PHACTR4: variants seen among roughly 807,000 people sequenced by gnomAD.
PHACTR4 encodes phosphatase and actin regulator 4, also known as protein phosphatase 1, regulatory subunit 124.
In PHACTR4, 51 loss-of-function variants were observed where a neutral mutation model predicts 72.7. That is an observed-to-expected ratio of 0.70 (90% CI 0.56 to 0.89). The LOEUF (loss-of-function observed/expected upper bound fraction) is 0.89. PHACTR4 is among the 40% of genes least tolerant of loss of function. PHACTR4 has a pLI of 0.00. For missense variants in PHACTR4, 731 were observed against 861.8 expected (o/e 0.85, Z 1.90); for synonymous variants, 255 against 302.5 (o/e 0.84, Z 1.63).
At chr1:28,401,109 G>C (rs1432963287) in intron 1 of PHACTR4, among the ~76,000 whole-genome samples, 1 of 152,044 alleles carries the variant, frequency 6.6e-6, no homozygotes, top group Admixed American at 6.6e-5. Context: ...TTTCAAAATT[G>C]GCCCCTGGAA....
Position 28,466,765 on chromosome 1 carries a change from A to G in PHACTR4, c.820A>G (p.Ile274Val). 1 of 1,608,500 alleles carries G rather than the reference A, an allele frequency of 6.2e-7. No homozygotes were observed. The highest frequency in any genetic ancestry group is 8.5e-7 in the Non-Finnish European group (1 of 1,176,342). The change falls in exon 6 of 14, where the codon ATT (isoleucine) becomes GTT (valine). Residue 274 changes from isoleucine to valine, a missense_variant. This residue lies in a region of PHACTR4 where 621 missense variants were observed against 676.6 expected (regional missense o/e 0.92). Transcript: ENST00000373839. ...KPAHRNSNPV[I>V]AELSQAINSG... ...AGCTCACAGAAATAGCAACCCTGTC[A>G]TTGGTAAGTAAGTCTTTAGGCTTCC...
intron 2 of PHACTR4, among the ~76,000 whole-genome samples, chr1:28,446,997 T>C (rs1201433077): frequency 6.6e-6 from 1 of 151,498 alleles, no homozygotes. Flanking sequence ...GTCTCAGGTA[T>C]TTCTTTTTAT....
chr1:28,493,937 A>T (rs976282671), intron 13 of PHACTR4, among the ~76,000 whole-genome samples: 46 of 152,214 alleles, frequency 3.0e-4, no homozygotes, highest in Non-Finnish European at 7.3e-5. Context: ...AAAGCCAACA[A>T]GCCAACAAAT....
chr1:28,454,865 A>G (rs1217610589), intron 2 of PHACTR4, among the ~76,000 whole-genome samples: 1 of 152,172 alleles, frequency 6.6e-6, no homozygotes, highest in Non-Finnish European at 1.5e-5. Context: ...CACTCCAATT[A>G]TCCTACCACG....
intron 9 of PHACTR4, among the ~76,000 whole-genome samples, chr1:28,486,093 ACCCCT>A (rs1570104284): frequency 6.6e-6 from 1 of 152,042 alleles, no homozygotes; most frequent in East Asian, 1.9e-4. Context: ...GTGGTGGCTC[ACCCCT>A]GTAATCCCAG....
chr1:28,446,446 T>C (rs1271860929), intron 2 of PHACTR4, among the ~76,000 whole-genome samples: 4 of 152,314 alleles, frequency 2.6e-5, no homozygotes, highest in African/African-American at 7.2e-5. Context: ...CACTTAGTAC[T>C]GTCCTCAAGA....
chr1:28,381,102 G>C (rs112851796), intron 1 of PHACTR4, among the ~76,000 whole-genome samples: 3 of 150,514 alleles, frequency 2.0e-5, no homozygotes, highest in Admixed American at 1.3e-4. Flanking sequence ...TCTGCCTCCC[G>C]GGTTCAAGCA....
intron 13 of PHACTR4, among the ~76,000 whole-genome samples, chr1:28,495,613 A>ATTT (rs1328657600): frequency 6.8e-6 from 1 of 146,468 alleles, no homozygotes; most frequent in African/African-American, 2.5e-5. Flanking sequence ...TTATTTATTT[A>ATTT]TTTTTTTTTT....
In PHACTR4 at chr1:28,380,789, G is replaced by A. The variant is rs1272641837; in HGVS notation, c.-39+10964G>A. ...TTCCGTGTCTTTGCTGTTGTGAATA[G>A]TGCTGCAGTGAACATATGTGTGCAT... On this transcript the variant is annotated intron_variant, in intron 1 of 13. Transcript: ENST00000373839. Among the ~76,000 whole-genome samples, 5 of 152,118 alleles carry A rather than the reference G, an allele frequency of 3.3e-5. No homozygotes were observed. In the East Asian group the frequency reaches 9.7e-4, roughly 29 times the overall value.
At chr1:28,456,476 T>C (rs1314204433) in intron 2 of PHACTR4, among the ~76,000 whole-genome samples, 3 of 152,110 alleles carry the variant, frequency 2.0e-5, no homozygotes, top group Non-Finnish European at 2.9e-5. Flanking sequence ...GGGACACATA[T>C]CTAAACTATA....
chr1:28,455,811 T>C (rs1658347647), intron 2 of PHACTR4, among the ~76,000 whole-genome samples: 1 of 152,056 alleles, frequency 6.6e-6, no homozygotes, highest in Non-Finnish European at 1.5e-5. Flanking sequence ...AGGGAGAATA[T>C]GAGGATATGA....
chr1:28,426,537 G>A (rs1268349965), intron 2 of PHACTR4, among the ~76,000 whole-genome samples: 4 of 151,970 alleles, frequency 2.6e-5, no homozygotes, highest in Non-Finnish European at 4.4e-5. Context: ...GGTGGTGGGC[G>A]CCTGTAGTCC....
chr1:28,389,817 C>G (rs948576531), intron 1 of PHACTR4, among the ~76,000 whole-genome samples: 4 of 151,956 alleles, frequency 2.6e-5, no homozygotes, highest in Non-Finnish European at 5.9e-5. Flanking sequence ...GGAGATTCCT[C>G]AAAAAATTGA....
intron 2 of PHACTR4, among the ~76,000 whole-genome samples, chr1:28,419,872 C>G (rs1655397848): frequency 6.6e-6 from 1 of 152,180 alleles, no homozygotes; most frequent in South Asian, 2.1e-4. Context: ...CTTTGACCAC[C>G]TTTGTCTAGT....
intron 2 of PHACTR4, among the ~76,000 whole-genome samples, chr1:28,430,729 T>C (rs2124375594): frequency 6.6e-6 from 1 of 152,272 alleles, no homozygotes; most frequent in African/African-American, 2.4e-5. Flanking sequence ...TCTCAAGCCA[T>C]AAGAAAGAAG....
At chr1:28,475,513 G>A (rs1467318260) in intron 7 of PHACTR4, among the ~76,000 whole-genome samples, 1 of 152,062 alleles carries the variant, frequency 6.6e-6, no homozygotes, top group Non-Finnish European at 1.5e-5. Context: ...ATCTCTAAAT[G>A]GGAATAATAT....
intron 2 of PHACTR4, among the ~76,000 whole-genome samples, chr1:28,420,380 C>T (rs751490265): frequency 2.0e-5 from 3 of 152,108 alleles, no homozygotes; most frequent in Non-Finnish European, 4.4e-5. Flanking sequence ...TTTTATAAGG[C>T]GCTCTTCCCC....
At chr1:28,477,698 T>C (rs1200413585) in intron 8 of PHACTR4, among the ~76,000 whole-genome samples, 1 of 152,134 alleles carries the variant, frequency 6.6e-6, no homozygotes, top group Non-Finnish European at 1.5e-5. Flanking sequence ...CTAGATCTTA[T>C]TCCTTTTTTT....
intron 8 of PHACTR4, 116 bp from the exon 9 acceptor site, chr1:28,480,335 G>A: frequency 2.5e-6 from 3 of 1,215,254 alleles, no homozygotes; most frequent in Non-Finnish European, 3.4e-6. Context: ...TTGAGGCCAG[G>A]TGGGAACTGG....
Sources: gnomAD v4.1 joint callset for allele counts (sites outside exome capture counted in the v4.1 genomes callset) on GRCh38, gnomAD v4.1.1 for gene constraint, gnomAD v4.1.1 regional missense constraint, MANE v1.5 for transcripts, NCBI Gene and HGNC (gene_info 2026-07-23, HGNC 2026-07-21) for gene names.